Variants in UGGT1 observed in about 807,000 individuals in gnomAD.
UGGT1 encodes UDP-glucose:glycoprotein glucosyltransferase 1.
Under a neutral mutation model 203.9 loss-of-function variants are expected in UGGT1, and 107 were observed. That is an observed-to-expected ratio of 0.52 (90% CI 0.45 to 0.62). The LOEUF is 0.62. Ranked by LOEUF, UGGT1 falls within the 20% of genes least tolerant of loss-of-function variation. The pLI is 0.00. For missense variants in UGGT1, 1,673 were observed against 1,867.2 expected (o/e 0.90, Z 1.92); for synonymous variants, 628 against 653.5 (o/e 0.96, Z 0.59).
chr2:128,138,126 G>A (rs951477149), intron 15 of UGGT1, among the ~76,000 whole-genome samples: 2 of 151,996 alleles, frequency 1.3e-5, no homozygotes, highest in Non-Finnish European at 2.9e-5. Flanking sequence ...CTATAGCAAC[G>A]CTCTTCATGT....
In UGGT1 at chr2:128,148,596, T is replaced by C. The variant is rs548295771; in HGVS notation, c.2016+2629T>C. 9.8e-5 allele frequency among the ~76,000 whole-genome samples: 15 copies of C among 152,334 alleles called. 1 individual carries two copies. The South Asian group carries it at 3.1e-3, about 32-fold the overall frequency. ...CAACTCTGCCTTAGTCTTCCATTTT[T>C]GCTTGCACAGAGCCCCAAGGTTAGA... On this transcript the variant is annotated intron_variant, in intron 18 of 40. Transcript: ENST00000259253.
At chr2:128,184,325 T>C (rs1341655902) in intron 38 of UGGT1, among the ~76,000 whole-genome samples, 2 of 152,226 alleles carry the variant, frequency 1.3e-5, no homozygotes, top group Non-Finnish European at 2.9e-5. Flanking sequence ...TTCACATATT[T>C]TAAGCATTTT....
chr2:128,169,754 G>C (rs1690999668), intron 26 of UGGT1, among the ~76,000 whole-genome samples: 1 of 152,242 alleles, frequency 6.6e-6, no homozygotes, highest in African/African-American at 2.4e-5. Context: ...TGCTACAGTA[G>C]TGAGAGACGG....
At chr2:128,096,097 ACTGT>A (rs751103471) in intron 1 of UGGT1, among the ~76,000 whole-genome samples, 19 of 152,274 alleles carry the variant, frequency 1.2e-4, no homozygotes, top group Admixed American at 9.2e-4. Flanking sequence ...TTTTTCTGAA[ACTGT>A]CTGGATGCTG....
At chr2:128,160,663 G>A (rs981545805) in intron 24 of UGGT1, 72 bp downstream of exon 24, 1 of 1,527,364 alleles carries the variant, frequency 6.5e-7, no homozygotes, top group African/African-American at 1.4e-5. Flanking sequence ...TCTGAAGCTA[G>A]TAAACTCTTC....
At chr2:128,167,703 C>T (rs908997449) in intron 26 of UGGT1, among the ~76,000 whole-genome samples, 4 of 152,204 alleles carry the variant, frequency 2.6e-5, no homozygotes, top group Non-Finnish European at 5.9e-5. Context: ...TTATTCTGGT[C>T]TTTTCTCTGC....
chr2:128,158,361 C>CA (rs1690348695), intron 22 of UGGT1, among the ~76,000 whole-genome samples: 1 of 152,192 alleles, frequency 6.6e-6, no homozygotes, highest in Admixed American at 6.5e-5. Context: ...AAAGCCCTCC[C>CA]ACACTTGTGC....
intron 19 of UGGT1, among the ~76,000 whole-genome samples, chr2:128,155,088 A>G (rs1200903713): frequency 2.6e-5 from 4 of 152,202 alleles, no homozygotes; most frequent in Middle Eastern, 3.4e-3. Flanking sequence ...TTTCTTACGT[A>G]TTTTCTCTTT....
chr2:128,107,238 C>T (rs2105354431), intron 3 of UGGT1, among the ~76,000 whole-genome samples: 1 of 151,906 alleles, frequency 6.6e-6, no homozygotes, highest in East Asian at 1.9e-4. Flanking sequence ...TTGTTTTGTG[C>T]CTTTGCTTTT....
chr2:128,123,731 A>G (rs551234805), intron 11 of UGGT1, among the ~76,000 whole-genome samples: 2 of 151,940 alleles, frequency 1.3e-5, no homozygotes, highest in Non-Finnish European at 2.9e-5. Flanking sequence ...CCTGGTTTTG[A>G]TGTGGTCTGA....
At position 128,190,855 on chromosome 2, in the gene UGGT1, T is replaced by G. The variant is rs1692227706; in HGVS notation, c.*1113T>G. The G allele has an allele frequency of 6.6e-6, 1 of 152,300 alleles. No individual in the cohort carries two copies. Among genetic ancestry groups the G allele is most frequent in the Non-Finnish European group, 1.5e-5 (1 of 68,072 alleles). The allele number at this position is 152,300 out of a possible 1,614,324, so 9.4% of individuals were successfully genotyped here. A position where few individuals can be genotyped will look rare whatever the true frequency, so the allele number is the denominator to read the frequency against. Reference sequence around the variant, plus strand: ...CTTTCTGTCCTATTTTCCTTTTATGTGAGCCCTGCAGGTTGCCTTTGGCGC... The same window carrying G: ...CTTTCTGTCCTATTTTCCTTTTATGGGAGCCCTGCAGGTTGCCTTTGGCGC... On this transcript the variant is annotated 3_prime_UTR_variant, in exon 41 of 41. Transcript: ENST00000259253.
chr2:128,167,187 TTTACCCTTC>T lies in UGGT1; in HGVS notation c.2921+2365_2921+2373del, dbSNP rs1690838708. Among the ~76,000 whole-genome samples, 3 of 152,294 alleles carry T rather than the reference TTTACCCTTC, an allele frequency of 2.0e-5. No homozygotes were observed. In the South Asian group the frequency reaches 6.2e-4, roughly 32 times the overall value. On this transcript the variant is annotated intron_variant, in intron 26 of 40. Coordinates refer to ENST00000259253, the MANE Select transcript of UGGT1 (RefSeq NM_020120.4). ...CTTTCCTAATCAACCTGCCATCTTG[TTTACCCTTC>T]TTGCCCAAGGTAGCGAGTCCTGAGC...
intron 3 of UGGT1, 120 bp from the exon 4 acceptor site, chr2:128,107,818 T>C (rs1687670859): frequency 3.7e-6 from 5 of 1,355,554 alleles, no homozygotes; most frequent in Non-Finnish European, 5.1e-6. Flanking sequence ...TTCAAGACAA[T>C]ATACTGGTAA....
chr2:128,137,062 C>T (rs1307236846), intron 15 of UGGT1, among the ~76,000 whole-genome samples: 7 of 151,878 alleles, frequency 4.6e-5, no homozygotes, highest in Non-Finnish European at 8.8e-5. Context: ...TTCTTTTTTT[C>T]CCCCTGCCCT....
chr2:128,157,230 A>T (rs762955932), intron 21 of UGGT1, 22 bp from the exon 22 acceptor site: 1 of 1,555,316 alleles, frequency 6.4e-7, no homozygotes, highest in East Asian at 2.2e-5. Context: ...TGACTCAATT[A>T]GCTGTTTTTG....
chr2:128,150,704 TG>T (rs1305641262), intron 18 of UGGT1, among the ~76,000 whole-genome samples: 11 of 146,068 alleles, frequency 7.5e-5, no homozygotes, highest in African/African-American at 2.5e-4. Flanking sequence ...TATTCTTATA[TG>T]TACAACAGGC....
At position 128,171,295 on chromosome 2, in the gene UGGT1, C is replaced by CT. The variant is rs778727650; in HGVS notation, c.3104+12dup. On this transcript the variant is annotated intron_variant, in intron 28 of 40. Coordinates refer to ENST00000259253, the MANE Select transcript of UGGT1 (RefSeq NM_020120.4). Reference sequence around the variant, plus strand: ...CATGCCTTTAAAAAGGTAAAACATGCTATGTAAGAAAACAGTTGAAGAAAT... The same window carrying CT: ...CATGCCTTTAAAAAGGTAAAACATGCTTATGTAAGAAAACAGTTGAAGAAAT... The CT allele has an allele frequency of 2.2e-5, 35 of 1,607,038 alleles. No homozygotes were observed. The highest frequency in any genetic ancestry group is 2.8e-5 in the Non-Finnish European group (33 of 1,176,338).
At chr2:128,108,554 T>C (rs190137044) in intron 4 of UGGT1, among the ~76,000 whole-genome samples, 3 of 123,414 alleles carry the variant, frequency 2.4e-5, no homozygotes, top group Non-Finnish European at 5.2e-5. Context: ...GAACCTCAAG[T>C]TAAGAGAGAC....
chr2:128,160,645 C>T (rs1160546257), intron 24 of UGGT1, 54 bp downstream of exon 24: 1 of 1,558,876 alleles, frequency 6.4e-7, no homozygotes. Flanking sequence ...GTCTTTGCAG[C>T]ATTCTCCTCT....
Sources: allele counts gnomAD v4.1 joint callset (sites outside exome capture counted in the v4.1 genomes callset), GRCh38; gene constraint gnomAD v4.1.1; transcripts MANE v1.5; gene names NCBI Gene and HGNC (gene_info 2026-07-23, HGNC 2026-07-21).